The following SUPT3H variants were observed in gnomAD, a reference collection of about 807,000 sequenced individuals.
SUPT3H encodes transcription initiation protein SPT3 homolog.
SUPT3H carries 44 observed loss-of-function variants against 44.3 expected under a neutral mutation model. That is an observed-to-expected ratio of 0.99 (90% CI 0.78 to 1.28). SUPT3H has a LOEUF of 1.28. Among genes scored for constraint, SUPT3H ranks in the 50% most tolerant of loss-of-function variants. The pLI is 0.00. For missense variants in SUPT3H, 380 were observed against 387.1 expected (o/e 0.98, Z 0.15); for synonymous variants, 124 against 125.6 (o/e 0.99, Z 0.09).
chr6:44,991,509 TTTTA>T (rs71799934), intron 6 of SUPT3H, among the ~76,000 whole-genome samples: 145,999 of 150,806 alleles, frequency 0.97, 70,697 homozygotes, highest in East Asian at 1. Flanking sequence ...CCAAAATTCT[TTTTA>T]TTTATTTATT....
intron 2 of SUPT3H, among the ~76,000 whole-genome samples, chr6:45,181,872 TA>T (rs375159490): frequency 6.0e-3 from 7 of 1,164 alleles, no homozygotes; most frequent in Non-Finnish European, 0.013. Flanking sequence ...ATAATAATAA[TA>T]AATAAATAAA....
rs1194552681 is a variant in SUPT3H, at chr6:45,018,074, T to C, written c.273+2472A>G. ...AGAGGTCCTTCATGTCCCTTGTAAG[T>C]TGGATTCCTAGGTATTTTATTCTCT... On this transcript the variant is annotated intron_variant, in intron 4 of 10. Transcript: ENST00000371459. Among the ~76,000 whole-genome samples the C allele has an allele frequency of 2.0e-5, 3 of 152,046 alleles. No homozygotes were observed. In the East Asian group the frequency reaches 5.8e-4, roughly 29 times the overall value.
chr6:45,125,926 C>T (rs189459965), intron 2 of SUPT3H, among the ~76,000 whole-genome samples: 4 of 151,814 alleles, frequency 2.6e-5, no homozygotes, highest in East Asian at 1.9e-4. Context: ...TTCAGTTATT[C>T]GTATCCCATC....
chr6:44,895,130 A>C (rs1480851800), intron 10 of SUPT3H, among the ~76,000 whole-genome samples: 1 of 152,164 alleles, frequency 6.6e-6, no homozygotes, highest in African/African-American at 2.4e-5. Context: ...AATGAATTGA[A>C]CCATAAGAAA....
At chr6:44,937,114 T>C (rs1174408848) in intron 9 of SUPT3H, among the ~76,000 whole-genome samples, 1 of 152,200 alleles carries the variant, frequency 6.6e-6, no homozygotes, top group Non-Finnish European at 1.5e-5. Context: ...AGGTATCTTT[T>C]TGATGTAATG....
chr6:45,109,366 G>A (rs973241303), intron 2 of SUPT3H, among the ~76,000 whole-genome samples: 1 of 152,028 alleles, frequency 6.6e-6, no homozygotes, highest in Non-Finnish European at 1.5e-5. Context: ...AAAGTGCAAA[G>A]TTATCAACGC....
At chr6:45,098,670 C>G in intron 3 of SUPT3H, 1 of 327,468 alleles carries the variant, frequency 3.1e-6, no homozygotes, top group Non-Finnish European at 6.0e-6. Context: ...TCAATCATGC[C>G]CCATCTGGAC....
Position 45,158,308 on chromosome 6 carries a change from T to A in SUPT3H, c.102-52302A>T, listed in dbSNP as rs1191040423. On this transcript the variant is annotated intron_variant, in intron 2 of 10. Transcript: ENST00000371459. ...TATATATATATATATATTTTTTTTT[T>A]TTTTTTTTTGAGATGGAGTCTCACT... Among the ~76,000 whole-genome samples the A allele has an allele frequency of 3.2e-4, 39 of 122,366 alleles. 1 individual carries two copies. The highest frequency in any genetic ancestry group is 5.4e-4 in the South Asian group (2 of 3,692). 80.3% of individuals were successfully genotyped at this position (122,366 alleles called of 152,430 possible).
chr6:45,124,503 G>T (rs985092737), intron 2 of SUPT3H, among the ~76,000 whole-genome samples: 1 of 151,688 alleles, frequency 6.6e-6, no homozygotes, highest in Non-Finnish European at 1.5e-5. Flanking sequence ...AAATTAGCTG[G>T]GCATGGTGGT....
chr6:44,965,700 CA>C lies in SUPT3H; in HGVS notation c.505-3873del, dbSNP rs149438028. 2.1e-3 allele frequency among the ~76,000 whole-genome samples: 319 copies of C among 149,884 alleles called. 1 individual carries two copies. The highest frequency in any genetic ancestry group is 3.8e-3 in the Non-Finnish European group (259 of 67,316). Reference sequence around the variant, plus strand: ...TTCCCCCAGAATTGTTTCAAAGATACAAAAAAAAAGGAACAAATTTTGGCCA... The same window carrying C: ...TTCCCCCAGAATTGTTTCAAAGATACAAAAAAAAGGAACAAATTTTGGCCA... On this transcript the variant is annotated intron_variant, in intron 6 of 10. Transcript: ENST00000371459.
chr6:44,980,223 G>A (rs1778900416), intron 6 of SUPT3H, among the ~76,000 whole-genome samples: 1 of 151,254 alleles, frequency 6.6e-6, no homozygotes. Flanking sequence ...ATGCAGAAAG[G>A]GTAGGGAGTG....
intron 2 of SUPT3H, among the ~76,000 whole-genome samples, chr6:45,182,508 C>T (rs1025416487): frequency 2.0e-5 from 3 of 152,158 alleles, no homozygotes; most frequent in Non-Finnish European, 4.4e-5. Flanking sequence ...GTGATCTGCC[C>T]GCCTCAGCCT....
In SUPT3H at chr6:45,176,718, C is replaced by G. The variant is rs575351323; in HGVS notation, c.102-70712G>C. ...GAGCAGTGGTTCTCCCAGCACCCAG[C>G]TGGAGATCTGAGAACAGGCAGACTG... On this transcript the variant is annotated intron_variant, in intron 2 of 10. Transcript: ENST00000371459. Among the ~76,000 whole-genome samples the G allele has an allele frequency of 2.6e-4, 39 of 152,330 alleles. No homozygotes were observed. The South Asian group carries it at 7.9e-3, about 31-fold the overall frequency.
intron 2 of SUPT3H, among the ~76,000 whole-genome samples, chr6:45,208,827 A>G (rs1207080792): frequency 1.3e-5 from 2 of 151,360 alleles, no homozygotes; most frequent in Admixed American, 6.6e-5. Flanking sequence ...GGAGAAGTCA[A>G]TTCAAAGCTT....
chr6:44,820,327 G>A (rs1258152860), intron 11 of SUPT3H, among the ~76,000 whole-genome samples: 1 of 152,168 alleles, frequency 6.6e-6, no homozygotes, highest in African/African-American at 2.4e-5. Context: ...TTTTGTTGGA[G>A]ATGCACTGTG....
chr6:44,963,447 G>A (rs762488087), intron 6 of SUPT3H, among the ~76,000 whole-genome samples: 1 of 152,118 alleles, frequency 6.6e-6, no homozygotes, highest in East Asian at 1.9e-4. Context: ...CTGAGATCAC[G>A]CCACTGCACA....
chr6:45,306,064 A>T lies in SUPT3H; in HGVS notation c.101+59137T>A, dbSNP rs368820728. On this transcript the variant is annotated intron_variant, in intron 2 of 10. Transcript: ENST00000371459. ...CATCACATACTGCTGCCAACATGGCAGGTGAGGTGCCTACATGATACATAT... is the reference window on the plus strand; with the variant it reads ...CATCACATACTGCTGCCAACATGGCTGGTGAGGTGCCTACATGATACATAT... Among the ~76,000 whole-genome samples the T allele has an allele frequency of 3.3e-5, 5 of 152,368 alleles. No individual in the cohort carries two copies. In the East Asian group the frequency reaches 7.7e-4, roughly 24 times the overall value.
chr6:45,360,043 A>G (rs1278748189), intron 2 of SUPT3H, among the ~76,000 whole-genome samples: 1 of 152,264 alleles, frequency 6.6e-6, no homozygotes, highest in Non-Finnish European at 1.5e-5. Flanking sequence ...GTAGTCACAC[A>G]TAAACTGTTG....
At chr6:45,158,097 C>T (rs921683906) in intron 2 of SUPT3H, among the ~76,000 whole-genome samples, 152 of 144,462 alleles carry the variant, frequency 1.1e-3, no homozygotes, top group African/African-American at 3.6e-3. Context: ...TATTTATATA[C>T]TAATATATAT....
Sources: gnomAD v4.1 joint callset for allele counts (sites outside exome capture counted in the v4.1 genomes callset) on GRCh38, gnomAD v4.1.1 for gene constraint, MANE v1.5 for transcripts, NCBI Gene and HGNC (gene_info 2026-07-23, HGNC 2026-07-21) for gene names.